Variants in ANO6 observed in about 807,000 individuals in gnomAD.
The protein encoded by ANO6 is anoctamin-6.
ANO6 carries 106 observed loss-of-function variants against 117.5 expected under a neutral mutation model. The observed-to-expected ratio is 0.90, with a 90% CI of 0.77 to 1.06. The LOEUF (loss-of-function observed/expected upper bound fraction) is 1.06. Ranked by LOEUF, ANO6 falls within the 50% of genes least tolerant of loss-of-function variation. ANO6 has a pLI of 0.00. For synonymous variants in ANO6, 367 were observed against 385.1 expected (o/e 0.95, Z 0.55); for missense variants, 955 against 1,121.1 (o/e 0.85, Z 2.12).
chr12:45,355,353 A>G (rs1046389498), intron 7 of ANO6, among the ~76,000 whole-genome samples: 2 of 152,244 alleles, frequency 1.3e-5, no homozygotes, highest in African/African-American at 4.8e-5. Flanking sequence ...CCTACAATGT[A>G]ACAGGGATGC....
intron 13 of ANO6, among the ~76,000 whole-genome samples, chr12:45,402,354 G>A (rs947190732): frequency 1.3e-5 from 2 of 152,176 alleles, no homozygotes; most frequent in African/African-American, 2.4e-5. Context: ...TCATGGTTCC[G>A]GTGGCAAATA....
intron 11 of ANO6, among the ~76,000 whole-genome samples, chr12:45,389,170 T>C (rs1942376520): frequency 6.6e-6 from 1 of 152,176 alleles, no homozygotes; most frequent in Non-Finnish European, 1.5e-5. Context: ...ATGTTGGCAC[T>C]AAAAGGAACC....
chr12:45,426,897 T>C (rs1397945075), intron 19 of ANO6, among the ~76,000 whole-genome samples: 4 of 151,760 alleles, frequency 2.6e-5, no homozygotes, highest in Middle Eastern at 3.4e-3. Flanking sequence ...AGCACCCCTC[T>C]CCTGAACTCC....
Position 45,270,383 on chromosome 12 carries a change from C to T in ANO6, c.71-31631C>T, listed in dbSNP as rs760105959. ...GTTGTTACAGAGGCAGGTCTGATGC[C>T]GCCTCCTGCTCTGTCTGCAGCCTAA... On this transcript the variant is annotated intron_variant, in intron 1 of 19. Coordinates refer to ENST00000320560, the MANE Select transcript of ANO6 (RefSeq NM_001025356.3). The T allele has an allele frequency of 2.1e-4, 292 of 1,416,882 alleles. 1 individual carries two copies. Among genetic ancestry groups the T allele is most frequent in the South Asian group, 1.5e-3 (95 of 62,064 alleles). The allele number at this position is 1,416,882 out of a possible 1,614,324, so 87.8% of individuals were successfully genotyped here.
chr12:45,342,627 A>T (rs540220089), intron 3 of ANO6, among the ~76,000 whole-genome samples: 2 of 152,298 alleles, frequency 1.3e-5, no homozygotes, highest in South Asian at 4.1e-4. Flanking sequence ...CACTGCAGCC[A>T]TTTACACTCC....
chr12:45,392,870 T>TA (rs2137591463), intron 12 of ANO6, among the ~76,000 whole-genome samples: 1 of 152,270 alleles, frequency 6.6e-6, no homozygotes, highest in South Asian at 2.1e-4. Context: ...CAAAGGTAGA[T>TA]AAAACCACAA....
intron 1 of ANO6, among the ~76,000 whole-genome samples, chr12:45,295,637 C>T (rs1229180867): frequency 6.6e-6 from 1 of 152,090 alleles, no homozygotes; most frequent in Non-Finnish European, 1.5e-5. Context: ...TTTCGGCTCA[C>T]TGCAACCTCT....
intron 1 of ANO6, among the ~76,000 whole-genome samples, chr12:45,281,184 T>C (rs1938719813): frequency 6.6e-6 from 1 of 152,132 alleles, no homozygotes; most frequent in Non-Finnish European, 1.5e-5. Flanking sequence ...ATTTAGTAAA[T>C]ATGTATTAGG....
At chr12:45,332,176 A>G (rs1482595838) in intron 3 of ANO6, among the ~76,000 whole-genome samples, 1 of 152,050 alleles carries the variant, frequency 6.6e-6, no homozygotes, top group Non-Finnish European at 1.5e-5. Flanking sequence ...GCATTAAACT[A>G]AAACAGACCA....
Position 45,337,810 on chromosome 12 carries a change from G to A in ANO6, c.279+6387G>A, listed in dbSNP as rs76937466. ...TGTTTTTACCACAAAAGTTTGTGAC[G>A]TGTAAATGCATATGTTAATCAGCTT... is the stretch of plus-strand genomic sequence containing the variant. On this transcript the variant is annotated intron_variant, in intron 3 of 19. Coordinates refer to ENST00000320560, the MANE Select transcript of ANO6 (RefSeq NM_001025356.3). 9.9e-5 allele frequency among the ~76,000 whole-genome samples: 15 copies of A among 152,070 alleles called. No individual in the cohort carries two copies. In the East Asian group the frequency reaches 1.4e-3, roughly 14 times the overall value.
intron 19 of ANO6, 151 bp from the exon 20 acceptor site, chr12:45,428,953 AT>A: frequency 1.2e-6 from 1 of 853,056 alleles, no homozygotes; most frequent in Non-Finnish European, 1.9e-6. Flanking sequence ...CACACTGTTG[AT>A]TAGACACAAT....
intron 1 of ANO6, among the ~76,000 whole-genome samples, chr12:45,285,736 A>G (rs1296863140): frequency 1.3e-5 from 2 of 152,038 alleles, no homozygotes; most frequent in African/African-American, 2.4e-5. Flanking sequence ...TCAAAAAAAA[A>G]AAAAAGAAAA....
intron 19 of ANO6, among the ~76,000 whole-genome samples, chr12:45,437,384 GA>G (rs1195224157): frequency 6.6e-6 from 1 of 152,150 alleles, no homozygotes; most frequent in Non-Finnish European, 1.5e-5. Context: ...CTTCTCACTA[GA>G]TTATTTTGAA....
chr12:45,244,343 T>A (rs1947790038), intron 1 of ANO6, among the ~76,000 whole-genome samples: 1 of 148,148 alleles, frequency 6.8e-6, no homozygotes, highest in African/African-American at 2.5e-5. Context: ...AGATGCTGGT[T>A]GTCCCATTAC....
intron 1 of ANO6, among the ~76,000 whole-genome samples, chr12:45,240,919 G>A (rs777148167): frequency 1.3e-5 from 2 of 152,244 alleles, no homozygotes; most frequent in East Asian, 1.9e-4. Flanking sequence ...TGAGAGATGC[G>A]CTGTTTGTCT....
At chr12:45,309,786 T>C (rs1397093966) in intron 2 of ANO6, among the ~76,000 whole-genome samples, 1 of 152,116 alleles carries the variant, frequency 6.6e-6, no homozygotes, top group African/African-American at 2.4e-5. Flanking sequence ...ACCCTCTTGG[T>C]TAAGCATTTT....
At chr12:45,354,685 A>G (rs989169615) in intron 7 of ANO6, among the ~76,000 whole-genome samples, 1 of 152,232 alleles carries the variant, frequency 6.6e-6, no homozygotes, top group Non-Finnish European at 1.5e-5. Context: ...GCTGATAAGT[A>G]CACAGAAAAC....
chr12:45,256,686 C>A (rs1402002156), intron 1 of ANO6: 1 of 152,068 alleles, frequency 6.6e-6, no homozygotes, highest in African/African-American at 2.4e-5. Context: ...ATATTAAATT[C>A]CTTGATTAAC....
chr12:45,274,706 C>T (rs1938494107), intron 1 of ANO6, among the ~76,000 whole-genome samples: 1 of 151,444 alleles, frequency 6.6e-6, no homozygotes, highest in Admixed American at 6.6e-5. Flanking sequence ...GCTACCTCTC[C>T]ATCCTCTTCT....
Sources: allele counts gnomAD v4.1 joint callset (sites outside exome capture counted in the v4.1 genomes callset), GRCh38; gene constraint gnomAD v4.1.1; transcripts MANE v1.5; gene names NCBI Gene and HGNC (gene_info 2026-07-23, HGNC 2026-07-21).